SYNE1: variants seen among roughly 807,000 people sequenced by gnomAD.
SYNE1 encodes nesprin-1.
SYNE1 carries 616 observed loss-of-function variants against 1,111.0 expected under a neutral mutation model. The observed-to-expected ratio is 0.55, with a 90% CI of 0.52 to 0.59. The LOEUF is 0.59. Ranked by LOEUF, SYNE1 falls within the 20% of genes least tolerant of loss-of-function variation. The probability of loss-of-function intolerance (pLI) is 0.00; values close to 1 mark genes in which losing one functional copy is unlikely to be tolerated. For missense variants in SYNE1, 10,006 were observed against 10,417.0 expected (o/e 0.96, Z 1.72); for synonymous variants, 3,855 against 3,825.8 (o/e 1.01, Z -0.28).
chr6:152,296,212 C>T (rs2094872110), intron 93 of SYNE1, among the ~76,000 whole-genome samples: 1 of 152,198 alleles, frequency 6.6e-6, no homozygotes, highest in South Asian at 2.1e-4. Context: ...TTCAATAGCA[C>T]TGACAAACCC....
chr6:152,433,712 A>G, intron 34 of SYNE1, 83 bp downstream of exon 34: 1 of 1,517,178 alleles, frequency 6.6e-7, no homozygotes, highest in Non-Finnish European at 9.1e-7. Context: ...TTGTCCTGGG[A>G]CCGAACAGCA....
chr6:152,636,220 TAGTC>T (rs2099705696), intron 2 of SYNE1, among the ~76,000 whole-genome samples: 1 of 151,922 alleles, frequency 6.6e-6, no homozygotes, highest in Non-Finnish European at 1.5e-5. Context: ...CTTCCTAAAA[TAGTC>T]AGGGGGTGGA....
chr6:152,180,191 T>C lies in SYNE1; in HGVS notation c.23405A>G (p.Lys7802Arg). ...LCEWLTQMES[K>R]VSQNGDILIE... ...GAGAATGTCTCCATTCTGAGAAACT[T>C]TGCTTTCCATTTGAGTCAACCACTC... is the stretch of plus-strand genomic sequence containing the variant. The change falls in exon 129 of 146, where the codon AAA becomes AGA. Residue 7802 changes from lysine to arginine, a missense_variant. Physicochemically the swap from Lys to Arg is conservative, Grantham distance 26. This residue lies in a region of SYNE1 where 2,182 missense variants were observed against 2,287.8 expected (regional missense o/e 0.95). Coordinates refer to ENST00000367255, the MANE Select transcript of SYNE1 (RefSeq NM_182961.4). 6.2e-7 allele frequency: 1 copy of C among 1,614,136 alleles called. No homozygotes were observed. Among genetic ancestry groups the C allele is most frequent in the Non-Finnish European group, 8.5e-7 (1 of 1,180,020 alleles).
chr6:152,463,591 T>A, intron 18 of SYNE1, 74 bp from the exon 19 acceptor site: 1 of 1,228,100 alleles, frequency 8.1e-7, no homozygotes, highest in African/African-American at 1.5e-5. Flanking sequence ...GTGACTAAAG[T>A]AGGAAAAATA....
chr6:152,401,010 T>G, intron 47 of SYNE1, 128 bp downstream of exon 47: 2 of 865,594 alleles, frequency 2.3e-6, no homozygotes, highest in Non-Finnish European at 3.7e-6. Context: ...TTCAATGTCA[T>G]AAATAAGTTG....
At position 152,277,990 on chromosome 6, in the gene SYNE1, G is replaced by A. The variant is rs781424076; in HGVS notation, c.18573+99C>T. The A allele has an allele frequency of 4.5e-5, 57 of 1,275,942 alleles. 1 individual carries two copies. In the Admixed American group the frequency reaches 5.0e-4, roughly 11 times the overall value. The allele number at this position is 1,275,942 out of a possible 1,614,324, so 79.0% of individuals were successfully genotyped here. On this transcript the variant is annotated intron_variant, in intron 98 of 145. Transcript: ENST00000367255. ...GTAAAGCAGGTACACACACAAGTAC[G>A]CGTCACCGCCAACCTGTTCCTTTAC...
intron 71 of SYNE1, 75 bp downstream of exon 71, chr6:152,350,543 A>G (rs2096723069): frequency 3.1e-6 from 5 of 1,596,500 alleles, no homozygotes; most frequent in South Asian, 1.1e-5. Flanking sequence ...TTAAAATTAC[A>G]TGACAGAGAG....
chr6:152,412,302 C>T (rs214983), intron 42 of SYNE1, among the ~76,000 whole-genome samples: 77,145 of 151,274 alleles, frequency 0.51, 21,482 homozygotes, highest in East Asian at 0.75. Context: ...CGGGCACCTG[C>T]TATCCCAGCT....
At chr6:152,167,732 C>A (rs761640903) in intron 130 of SYNE1, 1 of 535,876 alleles carries the variant, frequency 1.9e-6, no homozygotes, top group Non-Finnish European at 3.8e-6. Flanking sequence ...GGCTAAATTT[C>A]AGTTTCATCA....
At chr6:152,304,322 C>A (rs1243253039) in intron 91 of SYNE1, among the ~76,000 whole-genome samples, 1 of 152,058 alleles carries the variant, frequency 6.6e-6, no homozygotes, top group East Asian at 1.9e-4. Flanking sequence ...TTGAAGGAAT[C>A]TTTTTTATTA....
At position 152,278,136 on chromosome 6, in the gene SYNE1, G is replaced by GGTGA; in HGVS notation, c.18525_18526insTCAC (p.Leu6176SerfsTer11). The GGTGA allele has an allele frequency of 6.2e-7, 1 of 1,614,116 alleles. No homozygotes were observed. The highest frequency in any genetic ancestry group is 1.1e-5 in the South Asian group (1 of 91,088). The stretch of plus-strand genomic sequence containing the variant: ...TGCAGGGCTCTCTGCAGCTCCAGCA[G>GGTGA]GCTCCCCTTGAGCCTTCTCAGCTTT... On this transcript the variant is annotated frameshift_variant, in exon 98 of 146. Coordinates refer to ENST00000367255, the MANE Select transcript of SYNE1 (RefSeq NM_182961.4). LOFTEE classifies it high-confidence loss of function.
chr6:152,579,655 A>G (rs1388334087), intron 3 of SYNE1, among the ~76,000 whole-genome samples: 1 of 152,090 alleles, frequency 6.6e-6, no homozygotes, highest in Non-Finnish European at 1.5e-5. Flanking sequence ...TAGTTTTTCA[A>G]TCCTCACCCT....
Position 152,416,773 on chromosome 6 carries a change from C to T in SYNE1, c.5664G>A (p.Arg1888=). 6.2e-7 allele frequency: 1 copy of T among 1,614,208 alleles called. No homozygotes were observed. The highest frequency in any genetic ancestry group is 1.1e-5 in the South Asian group (1 of 91,090). ...TACTGTTGGTTGCTTCCACTGTTTG[C>T]CTCAGCTGGCGGAGAATGCCGGACA... ...ASLSGILRQL[R]QTVEATNSMN... Residue 1888 remains arginine, a synonymous_variant, in exon 41 of 146, where the codon AGG becomes AGA. Coordinates refer to ENST00000367255, the MANE Select transcript of SYNE1 (RefSeq NM_182961.4).
At chr6:152,550,396 T>TA (rs1288396372) in intron 3 of SYNE1, among the ~76,000 whole-genome samples, 1 of 152,074 alleles carries the variant, frequency 6.6e-6, no homozygotes, top group Non-Finnish European at 1.5e-5. Flanking sequence ...ACAAATATTT[T>TA]AAAAATATTA....
intron 108 of SYNE1, 113 bp from the exon 109 acceptor site, chr6:152,237,061 T>C: frequency 7.0e-7 from 1 of 1,426,026 alleles, no homozygotes; most frequent in Non-Finnish European, 9.6e-7. Flanking sequence ...ATATCAGAGA[T>C]GTTTGCGTTG....
chr6:152,254,975 C>G lies in SYNE1; in HGVS notation c.19375G>C (p.Gly6459Arg). ...DNRDVIEDTL[G>R]CLLGRLSLLD... Reference sequence around the variant, plus strand: ...AAGGATAACCTGCCCAAAAGACAACCCAAAGTATCTTCAATAACATCTCGA... The same window carrying G: ...AAGGATAACCTGCCCAAAAGACAACGCAAAGTATCTTCAATAACATCTCGA... Residue 6459 changes from glycine (G) to arginine (R), a missense_variant, in exon 104 of 146, where the codon GGT (glycine) becomes CGT (arginine). By Grantham distance (125) the Gly-to-Arg change is moderately radical. This residue lies in a region of SYNE1 where 2,182 missense variants were observed against 2,287.8 expected (regional missense o/e 0.95). Coordinates refer to ENST00000367255, the MANE Select transcript of SYNE1 (RefSeq NM_182961.4). 1 of 1,613,960 alleles carries G rather than the reference C, an allele frequency of 6.2e-7. No homozygotes were observed. The highest frequency in any genetic ancestry group is 8.5e-7 in the Non-Finnish European group (1 of 1,179,958).
intron 6 of SYNE1, among the ~76,000 whole-genome samples, chr6:152,515,557 T>C (rs1472610436): frequency 6.6e-6 from 1 of 152,258 alleles, no homozygotes; most frequent in African/African-American, 2.4e-5. Flanking sequence ...TGCAGTTCAC[T>C]GAGGTTACTT....
At chr6:152,455,192 G>T (rs1313116468) in intron 24 of SYNE1, among the ~76,000 whole-genome samples, 4 of 152,170 alleles carry the variant, frequency 2.6e-5, no homozygotes, top group Non-Finnish European at 4.4e-5. Context: ...ATTATTCTAT[G>T]ACTGTCTACT....
chr6:152,552,087 C>T (rs568724976), intron 3 of SYNE1, among the ~76,000 whole-genome samples: 6 of 152,046 alleles, frequency 3.9e-5, no homozygotes, highest in Non-Finnish European at 7.4e-5. Flanking sequence ...TATTCCAATA[C>T]CAAGAGTTTC....
Sources: gnomAD v4.1 joint callset for allele counts (sites outside exome capture counted in the v4.1 genomes callset) on GRCh38, gnomAD v4.1.1 for gene constraint, gnomAD v4.1.1 regional missense constraint, MANE v1.5 for transcripts, NCBI Gene and HGNC (gene_info 2026-07-23, HGNC 2026-07-21) for gene names.